Variants in PLXNC1 observed in about 807,000 individuals in gnomAD.
PLXNC1 encodes the protein plexin C1.
A neutral mutation model predicts 178.2 loss-of-function variants in PLXNC1; 75 were observed. The ratio of observed to expected loss-of-function variants is 0.42; its 90% CI spans 0.35 to 0.51. PLXNC1 has a LOEUF of 0.51. PLXNC1 is among the 20% of genes least tolerant of loss of function. The probability of loss-of-function intolerance (pLI) is 0.02; values close to 1 mark genes in which losing one functional copy is unlikely to be tolerated. For missense variants in PLXNC1, 1,503 were observed against 1,984.4 expected (o/e 0.76, Z 4.61); for synonymous variants, 790 against 779.9 (o/e 1.01, Z -0.22).
chr12:94,277,297 AG>A (rs1295561769), intron 21 of PLXNC1: 4 of 152,748 alleles, frequency 2.6e-5, no homozygotes, highest in African/African-American at 9.7e-5. Context: ...TCCCCTCCAA[AG>A]GCCCCACCTC....
At chr12:94,276,818 C>G (rs1019871313) in intron 21 of PLXNC1, 2 of 152,246 alleles carry the variant, frequency 1.3e-5, no homozygotes, top group Non-Finnish European at 2.9e-5. Context: ...GGCCTTTGAA[C>G]CCCTTCCTAG....
chr12:94,209,635 C>A lies in PLXNC1; in HGVS notation c.1485C>A (p.Asn495Lys). The change falls in exon 5 of 31, where the codon AAC becomes AAA. Residue 495 changes from asparagine to lysine, a missense_variant. This residue lies in a region of PLXNC1 where 615 missense variants were observed against 698.6 expected (regional missense o/e 0.88). Coordinates refer to ENST00000258526, the MANE Select transcript of PLXNC1 (RefSeq NM_005761.3). ...GDCVHSENLE[N>K]WLDISSGAKK... ...GTGTACATTCAGAGAACTTAGAAAA[C>A]TGGCTGGATATTTCGTCTGGAGCAA... The A allele has an allele frequency of 1.3e-6, 2 of 1,594,350 alleles. No homozygotes were observed. The highest frequency in any genetic ancestry group is 1.7e-6 in the Non-Finnish European group (2 of 1,168,730).
At chr12:94,252,744 C>G (rs1160772930) in intron 15 of PLXNC1, among the ~76,000 whole-genome samples, 8 of 152,192 alleles carry the variant, frequency 5.3e-5, no homozygotes, top group African/African-American at 1.7e-4. Context: ...AATGTGCTCC[C>G]TAGGTTTTGA....
chr12:94,262,455 G>A (rs998337825), intron 20 of PLXNC1: 1 of 983,324 alleles, frequency 1.0e-6, no homozygotes, highest in Non-Finnish European at 1.2e-6. Context: ...GGGGTGAGAT[G>A]TTCAGAAAAT....
Position 94,215,869 on chromosome 12 carries a change from A to T in PLXNC1, c.1555-4147A>T, listed in dbSNP as rs1009583515. 2.6e-5 allele frequency among the ~76,000 whole-genome samples: 4 copies of T among 152,336 alleles called. No individual in the cohort carries two copies. In the South Asian group the frequency reaches 8.3e-4, roughly 32 times the overall value. On this transcript the variant is annotated intron_variant, in intron 5 of 30. Coordinates refer to ENST00000258526, the MANE Select transcript of PLXNC1 (RefSeq NM_005761.3). ...GAAGAACCAACAGAAAATGAAGTTG[A>T]ACATAATTTGAAAGTATGATCATTT...
At chr12:94,292,617 T>TA (rs1216575393) in intron 23 of PLXNC1, among the ~76,000 whole-genome samples, 1 of 152,210 alleles carries the variant, frequency 6.6e-6, no homozygotes. Context: ...TGCATACACA[T>TA]AATGAAATAT....
intron 12 of PLXNC1, 29 bp downstream of exon 12, chr12:94,244,054 G>A: frequency 7.5e-7 from 1 of 1,330,346 alleles, no homozygotes. Context: ...TGTAATAATA[G>A]TTGTTTTCAA....
intron 21 of PLXNC1, among the ~76,000 whole-genome samples, chr12:94,266,578 G>C (rs1965256857): frequency 6.6e-6 from 1 of 152,216 alleles, no homozygotes; most frequent in South Asian, 2.1e-4. Context: ...TGCGGGTGCT[G>C]CTTAACAACT....
intron 13 of PLXNC1, 37 bp downstream of exon 13, chr12:94,248,143 G>A (rs769426244): frequency 5.0e-6 from 8 of 1,601,244 alleles, no homozygotes; most frequent in South Asian, 3.3e-5. Flanking sequence ...ATGTCACCCC[G>A]ACCCCTTGAC....
At chr12:94,186,670 C>G (rs1565799713) in intron 4 of PLXNC1, 197 bp downstream of exon 4, 2 of 502,988 alleles carry the variant, frequency 4.0e-6, no homozygotes, top group South Asian at 4.2e-5. Context: ...AATCACTGGA[C>G]CCGGGAGCTC....
chr12:94,221,806 C>T (rs1015334158), intron 6 of PLXNC1, among the ~76,000 whole-genome samples: 1 of 152,130 alleles, frequency 6.6e-6, no homozygotes, highest in Non-Finnish European at 1.5e-5. Context: ...CAGGGGAGCT[C>T]TCTTAAGCCT....
intron 1 of PLXNC1, among the ~76,000 whole-genome samples, chr12:94,156,270 G>A: frequency 6.6e-6 from 1 of 152,162 alleles, no homozygotes; most frequent in East Asian, 1.9e-4. Context: ...TATGCAGTTG[G>A]AAGGTGGTTC....
intron 23 of PLXNC1, among the ~76,000 whole-genome samples, chr12:94,284,753 A>ATG (rs1966722592): frequency 6.6e-6 from 1 of 151,964 alleles, no homozygotes; most frequent in African/African-American, 2.4e-5. Flanking sequence ...CTCTTACAAG[A>ATG]TGTAGGGGTA....
rs932572252 is a variant in PLXNC1 at position 94,275,581 on chromosome 12, C to T, written c.3598-3891C>T. Reference sequence around the variant, plus strand: ...TAAGAAACTGCTGTTTGGCCGGGCGCGGTGGCTCACGCCTGTAATCCCAGC... The same window carrying T: ...TAAGAAACTGCTGTTTGGCCGGGCGTGGTGGCTCACGCCTGTAATCCCAGC... On this transcript the variant is annotated intron_variant, in intron 21 of 30. Transcript: ENST00000258526. Among the ~76,000 whole-genome samples, 5 of 86,084 alleles carry T rather than the reference C, an allele frequency of 5.8e-5. 1 individual carries two copies. Among genetic ancestry groups the T allele is most frequent in the African/African-American group, 1.5e-4 (3 of 19,920 alleles). The allele number at this position is 86,084 out of a possible 152,430, so 56.5% of individuals were successfully genotyped here.
chr12:94,297,231 G>C lies in PLXNC1; in HGVS notation c.3966+11G>C, dbSNP rs779707171. On this transcript the variant is annotated intron_variant, in intron 25 of 30. Coordinates refer to ENST00000258526, the MANE Select transcript of PLXNC1 (RefSeq NM_005761.3). ...GACCACTGCCATTTGGTGAGTTCAG[G>C]CTTTCTTGTGCTCACCACTGAACTG... 1.2e-6 allele frequency: 2 copies of C among 1,614,026 alleles called. No homozygotes were observed. Among genetic ancestry groups the C allele is most frequent in the African/African-American group, 1.3e-5 (1 of 75,022 alleles).
intron 5 of PLXNC1, 94 bp from the exon 6 acceptor site, chr12:94,219,922 T>C (rs1459082461): frequency 9.0e-7 from 1 of 1,110,502 alleles, no homozygotes; most frequent in Non-Finnish European, 1.3e-6. Flanking sequence ...TTCTCCCTCC[T>C]GTGGCAGGTC....
At chr12:94,177,057 G>A (rs1962077093) in intron 2 of PLXNC1, among the ~76,000 whole-genome samples, 1 of 92,612 alleles carries the variant, frequency 1.1e-5, no homozygotes. Flanking sequence ...ATATATATGT[G>A]TGTGTGTGTG....
intron 1 of PLXNC1, among the ~76,000 whole-genome samples, chr12:94,167,446 G>A (rs866718676): frequency 7.2e-5 from 11 of 152,190 alleles, no homozygotes; most frequent in African/African-American, 1.9e-4. Flanking sequence ...TATTCTCCGC[G>A]TTAGCCTCTC....
At chr12:94,165,163 G>T (rs967590043) in intron 1 of PLXNC1, among the ~76,000 whole-genome samples, 2 of 152,054 alleles carry the variant, frequency 1.3e-5, no homozygotes, top group Non-Finnish European at 2.9e-5. Flanking sequence ...AAATAGGCCC[G>T]AAAAAAAGAG....
Sources: gnomAD v4.1 joint callset for allele counts (sites outside exome capture counted in the v4.1 genomes callset) on GRCh38, gnomAD v4.1.1 for gene constraint, gnomAD v4.1.1 regional missense constraint, MANE v1.5 for transcripts, NCBI Gene and HGNC (gene_info 2026-07-23, HGNC 2026-07-21) for gene names.